Variants in AUTS2 observed in about 807,000 individuals in gnomAD.
AUTS2 encodes the protein activator of transcription and developmental regulator AUTS2, also known as autism susceptibility gene 2 protein.
A neutral mutation model predicts 112.4 loss-of-function variants in AUTS2; 17 were observed. The ratio of observed to expected loss-of-function variants is 0.15; its 90% CI spans 0.10 to 0.23. The LOEUF (loss-of-function observed/expected upper bound fraction) is 0.23, where lower values mean the gene tolerates loss of function less well. AUTS2 is among the 10% of genes least tolerant of loss of function. The pLI is 1.00. For missense variants in AUTS2, 1,510 were observed against 1,701.6 expected (o/e 0.89, Z 1.98); for synonymous variants, 751 against 702.7 (o/e 1.07, Z -1.09).
At chr7:70,316,532 C>T (rs1790007274) in intron 4 of AUTS2, among the ~76,000 whole-genome samples, 1 of 151,602 alleles carries the variant, frequency 6.6e-6, no homozygotes, top group African/African-American at 2.4e-5. Context: ...GCCACCCGAG[C>T]AGCTGGGATT....
chr7:70,126,807 G>A (rs569320478), intron 3 of AUTS2, among the ~76,000 whole-genome samples: 2 of 152,260 alleles, frequency 1.3e-5, no homozygotes, highest in African/African-American at 4.8e-5. Flanking sequence ...CTTAGGCAAA[G>A]AATGTGACCT....
At chr7:70,735,293 C>T (rs1002229444) in intron 6 of AUTS2, among the ~76,000 whole-genome samples, 16 of 152,174 alleles carry the variant, frequency 1.1e-4, no homozygotes, top group Non-Finnish European at 1.5e-4. Flanking sequence ...AAAATGAAAT[C>T]GACTTGTGAA....
chr7:70,344,937 C>T (rs1791427759), intron 4 of AUTS2, among the ~76,000 whole-genome samples: 1 of 152,170 alleles, frequency 6.6e-6, no homozygotes, highest in African/African-American at 2.4e-5. Flanking sequence ...TGTACTCTTC[C>T]AGCATATGCT....
chr7:70,268,033 T>G (rs2129608417), intron 4 of AUTS2, among the ~76,000 whole-genome samples: 1 of 152,284 alleles, frequency 6.6e-6, no homozygotes, highest in East Asian at 1.9e-4. Flanking sequence ...CATAAGAAAT[T>G]TAACATTAAA....
intron 2 of AUTS2, among the ~76,000 whole-genome samples, chr7:69,999,575 T>A (rs1049908671): frequency 1.1e-4 from 16 of 152,168 alleles, no homozygotes; most frequent in Non-Finnish European, 7.3e-5. Flanking sequence ...AAGTGTTGTT[T>A]GAGAGCACAG....
chr7:70,372,358 G>A (rs1019991789), intron 4 of AUTS2, among the ~76,000 whole-genome samples: 4 of 152,122 alleles, frequency 2.6e-5, no homozygotes, highest in Non-Finnish European at 4.4e-5. Flanking sequence ...TAGGGAACCC[G>A]TATTTTTGTC....
intron 4 of AUTS2, among the ~76,000 whole-genome samples, chr7:70,421,664 T>C (rs1795223096): frequency 6.6e-6 from 1 of 152,228 alleles, no homozygotes; most frequent in African/African-American, 2.4e-5. Flanking sequence ...TCGGGGAGAC[T>C]GAAGCTGGAA....
chr7:70,058,803 C>T (rs962601415), intron 2 of AUTS2, among the ~76,000 whole-genome samples: 4 of 151,990 alleles, frequency 2.6e-5, no homozygotes, highest in Non-Finnish European at 5.9e-5. Flanking sequence ...AAAAGTGTAT[C>T]CCGTTTTATG....
At chr7:69,927,508 G>A (rs1034013741) in intron 2 of AUTS2, among the ~76,000 whole-genome samples, 1 of 152,138 alleles carries the variant, frequency 6.6e-6, no homozygotes, top group African/African-American at 2.4e-5. Context: ...TCGTCAGCCA[G>A]AAACCTCTGT....
At chr7:69,998,725 A>G (rs1799058624) in intron 2 of AUTS2, among the ~76,000 whole-genome samples, 1 of 152,232 alleles carries the variant, frequency 6.6e-6, no homozygotes, top group Admixed American at 6.5e-5. Context: ...AAAAAAGTAT[A>G]AACACATAAA....
chr7:69,881,804 T>C (rs1187478093), intron 1 of AUTS2, among the ~76,000 whole-genome samples: 2 of 152,180 alleles, frequency 1.3e-5, no homozygotes. Flanking sequence ...CTTTATATGG[T>C]GCTAGTATTT....
intron 2 of AUTS2, among the ~76,000 whole-genome samples, chr7:70,115,769 A>G (rs1805326901): frequency 6.6e-6 from 1 of 152,252 alleles, no homozygotes; most frequent in African/African-American, 2.4e-5. Context: ...TATCAGTATA[A>G]CTATGTTATA....
intron 3 of AUTS2, among the ~76,000 whole-genome samples, chr7:70,122,974 C>G (rs1029043444): frequency 6.8e-6 from 1 of 147,784 alleles, no homozygotes; most frequent in Non-Finnish European, 1.5e-5. Flanking sequence ...CTCCTGGGTT[C>G]AAGCGATTCT....
intron 1 of AUTS2, among the ~76,000 whole-genome samples, chr7:69,727,589 CAAAAAT>C (rs1187367380): frequency 6.6e-6 from 1 of 151,550 alleles, no homozygotes; most frequent in Non-Finnish European, 1.5e-5. Context: ...GACTCCACCT[CAAAAAT>C]AAAAATAAAA....
At chr7:70,191,157 A>ATTT (rs1809859748) in intron 4 of AUTS2, among the ~76,000 whole-genome samples, 1 of 102,208 alleles carries the variant, frequency 9.8e-6, no homozygotes, top group Admixed American at 1.0e-4. Context: ...TCATCCACTT[A>ATTT]TTTCTTTTTT....
intron 5 of AUTS2, among the ~76,000 whole-genome samples, chr7:70,481,762 A>T (rs538136018): frequency 6.6e-6 from 1 of 152,306 alleles, no homozygotes; most frequent in African/African-American, 2.4e-5. Context: ...GCCACAGTCC[A>T]CAGTCCTAGT....
intron 6 of AUTS2, among the ~76,000 whole-genome samples, chr7:70,716,624 G>A (rs998290292): frequency 9.6e-5 from 11 of 114,672 alleles, no homozygotes; most frequent in African/African-American, 1.4e-4. Flanking sequence ...GTGACAGAGC[G>A]AGACTCCGTC....
At chr7:69,646,858 A>G (rs758680) in intron 1 of AUTS2, among the ~76,000 whole-genome samples, 108,346 of 152,062 alleles carry the variant, frequency 0.71, 38,662 homozygotes, top group East Asian at 0.78. Context: ...AGGGCGAGGC[A>G]GGCGGATCAC....
intron 1 of AUTS2, among the ~76,000 whole-genome samples, chr7:69,797,642 T>C (rs1789905276): frequency 6.6e-6 from 1 of 152,200 alleles, no homozygotes; most frequent in Non-Finnish European, 1.5e-5. Flanking sequence ...TGCTCTCATG[T>C]GGGCTCTTGG....
Sources: gnomAD v4.1 joint callset for allele counts (sites outside exome capture counted in the v4.1 genomes callset) on GRCh38, gnomAD v4.1.1 for gene constraint, MANE v1.5 for transcripts, NCBI Gene and HGNC (gene_info 2026-07-23, HGNC 2026-07-21) for gene names.